KIRREL3: variants seen among roughly 807,000 people sequenced by gnomAD.
KIRREL3 encodes kirre like nephrin family adhesion molecule 3.
KIRREL3 carries 36 observed loss-of-function variants against 89.7 expected under a neutral mutation model. That is an observed-to-expected ratio of 0.40 (90% CI 0.31 to 0.53). KIRREL3 has a LOEUF of 0.53. KIRREL3 is among the 20% of genes least tolerant of loss of function. The probability of loss-of-function intolerance (pLI) is 0.49; values close to 1 mark genes in which losing one functional copy is unlikely to be tolerated. For missense variants in KIRREL3, 864 were observed against 1,056.6 expected (o/e 0.82, Z 2.53); for synonymous variants, 445 against 441.4 (o/e 1.01, Z -0.10).
At position 126,591,174 on chromosome 11, in the gene KIRREL3, C is replaced by T. The variant is rs571502184; in HGVS notation, c.56-28262G>A. On this transcript the variant is annotated intron_variant, in intron 1 of 16. Transcript: ENST00000525144. ...CCGGGTGGAGGAGGTTGCAGTGAGC[C>T]GTTATTGGACCACTGTACTCCAGCC... Among the ~76,000 whole-genome samples the T allele has an allele frequency of 7.0e-4, 107 of 152,184 alleles. 1 individual carries two copies. The highest frequency in any genetic ancestry group is 3.4e-3 in the Middle Eastern group (1 of 292).
At chr11:126,450,311 A>G (rs1487682661) in intron 7 of KIRREL3, among the ~76,000 whole-genome samples, 4 of 138,430 alleles carry the variant, frequency 2.9e-5, no homozygotes, top group Non-Finnish European at 6.2e-5. Flanking sequence ...GAGTGTGCCC[A>G]TGTGCACGTG....
chr11:126,450,854 T>C (rs1428575809), intron 7 of KIRREL3, among the ~76,000 whole-genome samples: 1 of 151,170 alleles, frequency 6.6e-6, no homozygotes, highest in African/African-American at 2.4e-5. Flanking sequence ...TGTGTGAGCA[T>C]GTGCACGTGT....
chr11:126,516,352 A>T lies in KIRREL3; in HGVS notation c.433+4963T>A, dbSNP rs1050862810. ...AATGCCCCTCTTAATAATTAATCTG[A>T]TGCCAACATCCCCTCCTCCCACTTC... On this transcript the variant is annotated intron_variant, in intron 4 of 16. Transcript: ENST00000525144. This position sits in a 1 kb window ranked among gnomAD's most constrained non-coding sequence, Gnocchi z 4.9. 9.2e-5 allele frequency among the ~76,000 whole-genome samples: 14 copies of T among 152,082 alleles called. No homozygotes were observed. Among genetic ancestry groups the T allele is most frequent in the African/African-American group, 2.9e-4 (12 of 41,410 alleles).
In KIRREL3 at chr11:126,473,462, C is replaced by A; in HGVS notation, c.438G>T (p.Pro146=). 1 of 1,546,166 alleles carries A rather than the reference C, an allele frequency of 6.5e-7. No individual in the cohort carries two copies. Among genetic ancestry groups the A allele is most frequent in the Non-Finnish European group, 8.8e-7 (1 of 1,132,864 alleles). ...SRPARLTVLV[P]PDDPVILGGP... ...CCCCCAGGATGACGGGGTCATCAGG[C>A]GGCACTGCGGGGAGAGAAGCAGTGA... The change falls in exon 5 of 17, where the codon CCG becomes CCT. Residue 146 remains proline (P), a synonymous_variant. Transcript: ENST00000525144.
intron 2 of KIRREL3, among the ~76,000 whole-genome samples, chr11:126,532,373 T>G (rs1958969012): frequency 6.6e-6 from 1 of 151,918 alleles, no homozygotes; most frequent in South Asian, 2.1e-4. Flanking sequence ...TATTTTTATA[T>G]TTATTTATTT....
In KIRREL3 at chr11:126,457,195, G is replaced by GTGTGTGTGTGTGTGTGTGTGTA. The variant is rs1439469025; in HGVS notation, c.743-742_743-741insTACACACACACACACACACACA. On this transcript the variant is annotated intron_variant, in intron 6 of 16. Coordinates refer to ENST00000525144, the MANE Select transcript of KIRREL3 (RefSeq NM_032531.4). ...AGAGGAAGAGAGATTATGTGTGTGT[G>GTGTGTGTGTGTGTGTGTGTGTA]TGTGTGTGTGTGTGTATGTGTATGT... Among the ~76,000 whole-genome samples, 136 of 150,908 alleles carry GTGTGTGTGTGTGTGTGTGTGTA rather than the reference G, an allele frequency of 9.0e-4. 1 individual carries two copies. The highest frequency in any genetic ancestry group is 3.8e-3 in the South Asian group (18 of 4,682).
intron 1 of KIRREL3, among the ~76,000 whole-genome samples, chr11:126,678,487 C>T (rs1482248549): frequency 6.7e-6 from 1 of 150,338 alleles, no homozygotes; most frequent in Non-Finnish European, 1.5e-5. Flanking sequence ...GTAGTCCCAG[C>T]TACTCAGAAG....
intron 1 of KIRREL3, among the ~76,000 whole-genome samples, chr11:126,923,432 T>A (rs1947556170): frequency 7.5e-6 from 1 of 133,636 alleles, no homozygotes; most frequent in Non-Finnish European, 1.6e-5. Flanking sequence ...TTCCTCTTCC[T>A]CTTCTTCTCC....
chr11:126,789,760 G>GC (rs1354090346), intron 1 of KIRREL3, among the ~76,000 whole-genome samples: 3 of 152,060 alleles, frequency 2.0e-5, no homozygotes, highest in Admixed American at 6.6e-5. Context: ...GTGGTTTTCT[G>GC]CCCACACTTT....
Position 126,692,973 on chromosome 11 carries a change from C to T in KIRREL3, c.56-130061G>A, listed in dbSNP as rs1422125595. Among the ~76,000 whole-genome samples the T allele has an allele frequency of 2.6e-5, 4 of 152,318 alleles. No individual in the cohort carries two copies. The South Asian group carries it at 6.2e-4, about 24-fold the overall frequency. On this transcript the variant is annotated intron_variant, in intron 1 of 16. Transcript: ENST00000525144. The stretch of plus-strand genomic sequence containing the variant: ...TTTGGCCCATAGCCTGTGGTGGAAG[C>T]GAGGCTGTGCTGGTGCTGAGCCAAG...
chr11:126,981,736 C>G lies in KIRREL3; in HGVS notation c.55+18719G>C, dbSNP rs1438096286. On this transcript the variant is annotated intron_variant, in intron 1 of 16. Coordinates refer to ENST00000525144, the MANE Select transcript of KIRREL3 (RefSeq NM_032531.4). This position sits in a 1 kb window ranked among gnomAD's most constrained non-coding sequence, Gnocchi z 4.2. ...GTTCCTGAGCTTGGTGCCTGGGGAA[C>G]TGGGGAAGGCCCCCGTTTCTACCAA... Among the ~76,000 whole-genome samples, 1 of 152,138 alleles carries G rather than the reference C, an allele frequency of 6.6e-6. No individual in the cohort carries two copies. The highest frequency in any genetic ancestry group is 2.4e-5 in the African/African-American group (1 of 41,428).
rs953442184 is a variant in KIRREL3 at position 126,891,270 on chromosome 11, A to G, written c.55+109185T>C. Among the ~76,000 whole-genome samples, 17 of 152,340 alleles carry G rather than the reference A, an allele frequency of 1.1e-4. No individual in the cohort carries two copies. Among genetic ancestry groups the G allele is most frequent in the African/African-American group, 4.1e-4 (17 of 41,586 alleles). On this transcript the variant is annotated intron_variant, in intron 1 of 16. Transcript: ENST00000525144. This position sits in a 1 kb window ranked among gnomAD's most constrained non-coding sequence, Gnocchi z 5.1. Reference sequence around the variant, plus strand: ...CTCATGCCTTAGAACTTTATTCCTTATATCAAAAAGATCCTGGGATATCAA... The same window carrying G: ...CTCATGCCTTAGAACTTTATTCCTTGTATCAAAAAGATCCTGGGATATCAA...
intron 1 of KIRREL3, among the ~76,000 whole-genome samples, chr11:126,923,592 T>C (rs4595560): frequency 0.12 from 18,326 of 151,630 alleles, 1,410 homozygotes; most frequent in South Asian, 0.3. Flanking sequence ...TACAGGCACC[T>C]GCCACCACGC....
intron 1 of KIRREL3, among the ~76,000 whole-genome samples, chr11:126,914,481 C>T (rs529989497): frequency 4.3e-4 from 66 of 152,182 alleles, no homozygotes; most frequent in Non-Finnish European, 7.8e-4. Flanking sequence ...TGTGAGGACA[C>T]TAGAGTTCAG....
intron 1 of KIRREL3, among the ~76,000 whole-genome samples, chr11:126,921,579 CT>C (rs1947295203): frequency 9.0e-6 from 1 of 111,410 alleles, no homozygotes; most frequent in African/African-American, 3.7e-5. Context: ...CTATATCTGT[CT>C]TCTATCTATC....
At chr11:126,693,420 C>G (rs1946956600) in intron 1 of KIRREL3, among the ~76,000 whole-genome samples, 1 of 151,936 alleles carries the variant, frequency 6.6e-6, no homozygotes, top group Non-Finnish European at 1.5e-5. Context: ...GACTCTGTCT[C>G]AAACACAAAC....
At chr11:126,929,130 A>G (rs1243226552) in intron 1 of KIRREL3, among the ~76,000 whole-genome samples, 1 of 152,182 alleles carries the variant, frequency 6.6e-6, no homozygotes, top group East Asian at 1.9e-4. Context: ...ACTGTGACTG[A>G]GCGTGGTCAG....
chr11:126,468,384 C>A (rs907113005), intron 5 of KIRREL3, among the ~76,000 whole-genome samples: 1 of 152,270 alleles, frequency 6.6e-6, no homozygotes, highest in African/African-American at 2.4e-5. Context: ...TGGGAGCCTG[C>A]AGTGGGCACT....
chr11:127,001,753 T>C (rs1950319788), upstream of KIRREL3, among the ~76,000 whole-genome samples: 1 of 151,834 alleles, frequency 6.6e-6, no homozygotes, highest in Non-Finnish European at 1.5e-5. Flanking sequence ...AAGCAGGCCA[T>C]GGAGGGAAGC....
Sources: allele counts gnomAD v4.1 joint callset (sites outside exome capture counted in the v4.1 genomes callset), GRCh38; gene constraint gnomAD v4.1.1; non-coding constraint Gnocchi (gnomAD v3.1); transcripts MANE v1.5; gene names NCBI Gene and HGNC (gene_info 2026-07-23, HGNC 2026-07-21).